CNTN6: variants seen among roughly 807,000 people sequenced by gnomAD.
The protein encoded by CNTN6 is contactin 6.
CNTN6 carries 137 observed loss-of-function variants against 122.8 expected under a neutral mutation model. That is an observed-to-expected ratio of 1.12 (90% CI 0.97 to 1.29). CNTN6 has a LOEUF of 1.29. CNTN6 is among the 50% of genes most tolerant of loss of function. The probability of loss-of-function intolerance (pLI) is 0.00; values close to 1 mark genes in which losing one functional copy is unlikely to be tolerated. For missense variants in CNTN6, 1,634 were observed against 1,223.4 expected, an observed-to-expected ratio of 1.34 and a Z score of -5.01; for synonymous variants, 570 against 426.0, an observed-to-expected ratio of 1.34 and a Z score of -4.16.
At chr3:1,236,866 G>A (rs1268165316) in intron 4 of CNTN6, among the ~76,000 whole-genome samples, 1 of 152,196 alleles carries the variant, frequency 6.6e-6, no homozygotes, top group Non-Finnish European at 1.5e-5. Flanking sequence ...GGATCACAAG[G>A]TCAGGAGATC....
At chr3:1,387,613 G>C (rs147028112) in intron 20 of CNTN6, among the ~76,000 whole-genome samples, 65 of 152,208 alleles carry the variant, frequency 4.3e-4, no homozygotes, top group Middle Eastern at 3.4e-3. Context: ...ACAGCTCCCA[G>C]TGAAGACGCG....
intron 20 of CNTN6, among the ~76,000 whole-genome samples, chr3:1,392,710 G>GA (rs1336138730): frequency 7.0e-6 from 1 of 143,778 alleles, no homozygotes; most frequent in Non-Finnish European, 1.6e-5. Flanking sequence ...AAATTTACAA[G>GA]AAAAAAACAA....
At chr3:1,189,224 T>C (rs1407671441) in intron 2 of CNTN6, among the ~76,000 whole-genome samples, 2 of 152,076 alleles carry the variant, frequency 1.3e-5, no homozygotes, top group Admixed American at 1.3e-4. Context: ...AGAGACAAAA[T>C]AGCTGAGTAA....
At chr3:1,178,324 T>C (rs894408461) in intron 2 of CNTN6, among the ~76,000 whole-genome samples, 4 of 152,190 alleles carry the variant, frequency 2.6e-5, no homozygotes, top group Non-Finnish European at 5.9e-5. Flanking sequence ...CTTAATGACA[T>C]CTTCAAGTCT....
chr3:1,158,824 A>ATG (rs2093042159), intron 2 of CNTN6, among the ~76,000 whole-genome samples: 1 of 76,218 alleles, frequency 1.3e-5, no homozygotes, highest in African/African-American at 5.8e-5. Flanking sequence ...ATACACACAC[A>ATG]TATATATACA....
At chr3:1,224,007 G>A (rs376572330) in intron 3 of CNTN6, among the ~76,000 whole-genome samples, 2 of 152,174 alleles carry the variant, frequency 1.3e-5, no homozygotes, top group African/African-American at 2.4e-5. Flanking sequence ...GCAAAGGAAC[G>A]TCAAAGCTAG....
chr3:1,228,272 T>C (rs1462964944), intron 4 of CNTN6, among the ~76,000 whole-genome samples: 2 of 152,212 alleles, frequency 1.3e-5, no homozygotes, highest in Non-Finnish European at 2.9e-5. Flanking sequence ...AATATTAAGA[T>C]AAAGATGTAT....
chr3:1,283,037 A>G (rs1303942470), intron 5 of CNTN6, among the ~76,000 whole-genome samples: 1 of 152,076 alleles, frequency 6.6e-6, no homozygotes, highest in Non-Finnish European at 1.5e-5. Context: ...CAGAGGTGCC[A>G]TATTGGCTCA....
intron 4 of CNTN6, among the ~76,000 whole-genome samples, chr3:1,233,170 A>G (rs76780467): frequency 0.013 from 1,941 of 152,314 alleles, 44 homozygotes; most frequent in African/African-American, 0.045. Context: ...ATAGTACAAT[A>G]TTCCACACTC....
rs1709119054 is a variant in CNTN6 at position 1,372,239 on chromosome 3, A to G, written c.1493-60A>G. ...AATGATAAAGTATTCAGAAATATGT[A>G]TTTTATAACCATAGGCTAGCATTTC... On this transcript the variant is annotated intron_variant, in intron 12 of 22. Transcript: ENST00000446702. The G allele has an allele frequency of 6.0e-6, 8 of 1,335,466 alleles. No individual in the cohort carries two copies. The Admixed American group carries it at 1.9e-4, about 32-fold the overall frequency. The allele number at this position is 1,335,466 out of a possible 1,614,324, so 82.7% of individuals were successfully genotyped here. A position where few individuals can be genotyped will look rare whatever the true frequency, so the allele number is the denominator to read the frequency against.
chr3:1,157,918 C>T (rs2093012982), intron 2 of CNTN6, among the ~76,000 whole-genome samples: 2 of 152,148 alleles, frequency 1.3e-5, no homozygotes, highest in South Asian at 4.1e-4. Context: ...TAGATTGTTT[C>T]CAAATTTTGG....
At chr3:1,260,331 C>G (rs909052374) in intron 4 of CNTN6, among the ~76,000 whole-genome samples, 1 of 152,064 alleles carries the variant, frequency 6.6e-6, no homozygotes, top group Non-Finnish European at 1.5e-5. Flanking sequence ...GAGGCTCCAT[C>G]AGTACTTACT....
chr3:1,392,644 C>T (rs201225652), intron 20 of CNTN6, among the ~76,000 whole-genome samples: 3,341 of 144,856 alleles, frequency 0.023, 72 homozygotes, highest in Non-Finnish European at 0.031. Context: ...AGAAAATTTT[C>T]GCAACCTACT....
chr3:1,256,550 A>T (rs1437181032), intron 4 of CNTN6, among the ~76,000 whole-genome samples: 5 of 152,198 alleles, frequency 3.3e-5, no homozygotes, highest in Non-Finnish European at 5.9e-5. Context: ...CTGGATTGCC[A>T]ACAGAAAGTC....
intron 4 of CNTN6, among the ~76,000 whole-genome samples, chr3:1,242,541 G>A (rs1188107409): frequency 6.6e-6 from 1 of 152,212 alleles, no homozygotes; most frequent in Non-Finnish European, 1.5e-5. Flanking sequence ...GCGTGCTGTG[G>A]GATGGGATAT....
intron 1 of CNTN6, among the ~76,000 whole-genome samples, chr3:1,124,714 C>T (rs2092095888): frequency 6.6e-6 from 1 of 151,694 alleles, no homozygotes; most frequent in Non-Finnish European, 1.5e-5. Context: ...AAAGAACATC[C>T]CTTCCGCTTC....
At chr3:1,140,949 A>C (rs559124840) in intron 1 of CNTN6, among the ~76,000 whole-genome samples, 6 of 152,314 alleles carry the variant, frequency 3.9e-5, no homozygotes, top group African/African-American at 1.4e-4. Flanking sequence ...TTCTGAAAAC[A>C]AAGAATTTGA....
intron 4 of CNTN6, among the ~76,000 whole-genome samples, chr3:1,249,790 C>T (rs534464531): frequency 6.6e-6 from 1 of 152,220 alleles, no homozygotes; most frequent in East Asian, 1.9e-4. Flanking sequence ...AGGGTATGTC[C>T]CTTGAGCACA....
chr3:1,315,538 A>G (rs764802242), intron 7 of CNTN6, among the ~76,000 whole-genome samples: 29 of 152,168 alleles, frequency 1.9e-4, no homozygotes, highest in South Asian at 4.1e-4. Context: ...CTGGGTATTT[A>G]GCTCAGATGG....
Sources: gnomAD v4.1 joint callset for allele counts (sites outside exome capture counted in the v4.1 genomes callset) on GRCh38, gnomAD v4.1.1 for gene constraint, MANE v1.5 for transcripts, NCBI Gene and HGNC (gene_info 2026-07-23, HGNC 2026-07-21) for gene names.